Variants in BLTP2 observed in about 807,000 individuals in gnomAD.
BLTP2 encodes U937-associated antigen.
At chr17:28,620,453 C>G in the BLTP2 span, 2 of 1,592,512 alleles carry the variant, frequency 1.3e-6, no homozygotes, top group East Asian at 4.5e-5. Context: ...AAATAAAGCA[C>G]AAAGTCTGGG....
chr17:28,643,683 C>G, the BLTP2 span: 6 of 1,612,158 alleles, frequency 3.7e-6, no homozygotes, highest in East Asian at 2.2e-5. Context: ...GGAGAAAGCT[C>G]TGTGTGCTAG....
the BLTP2 span, chr17:28,632,050 T>C: frequency 1.9e-6 from 3 of 1,611,888 alleles, no homozygotes; most frequent in Admixed American, 1.7e-5. Context: ...GTGCCTTACC[T>C]GCAGCTGGGG....
At chr17:28,619,035 G>T in the BLTP2 span, 1 of 1,296,112 alleles carries the variant, frequency 7.7e-7, no homozygotes, top group Non-Finnish European at 1.1e-6. Context: ...GGGTGGGATA[G>T]AATGCTCTAG....
chr17:28,638,319 C>T, the BLTP2 span: 18 of 1,613,658 alleles, frequency 1.1e-5, no homozygotes, highest in East Asian at 1.6e-4. Context: ...GTGTGGCGCC[C>T]GCTGAATGTG....
the BLTP2 span, chr17:28,620,000 T>C: frequency 1.2e-6 from 2 of 1,613,438 alleles, no homozygotes; most frequent in Non-Finnish European, 1.7e-6. Flanking sequence ...ACCCGTTGCT[T>C]CTTCTCACTA....
chr17:28,644,332 C>CATA, the BLTP2 span: 5 of 865,252 alleles, frequency 5.8e-6, no homozygotes, highest in Non-Finnish European at 8.8e-6. Context: ...ACCACTCTGT[C>CATA]ATATACATTC....
the BLTP2 span, among the ~76,000 whole-genome samples, chr17:28,632,587 C>T: frequency 6.4e-3 from 976 of 152,196 alleles, 11 homozygotes; most frequent in African/African-American, 0.022. Context: ...TCACTGACTC[C>T]TTCCACCATA....
At chr17:28,621,796 T>C in the BLTP2 span, among the ~76,000 whole-genome samples, 7 of 152,134 alleles carry the variant, frequency 4.6e-5, no homozygotes, top group African/African-American at 1.4e-4. Flanking sequence ...GGGCAAAATA[T>C]CTCATTAAAA....
At chr17:28,621,578 G>T in the BLTP2 span, 2 of 970,666 alleles carry the variant, frequency 2.1e-6, no homozygotes, top group Non-Finnish European at 3.3e-6. Flanking sequence ...AGATCTCCAT[G>T]TTTCAAGTAG....
At chr17:28,636,886 A>G in the BLTP2 span, 1 of 816,108 alleles carries the variant, frequency 1.2e-6, no homozygotes, top group Non-Finnish European at 1.8e-6. Context: ...AAAGACAAGA[A>G]AAAAAAAAAA....
At chr17:28,642,708 T>C in the BLTP2 span, among the ~76,000 whole-genome samples, 1 of 152,106 alleles carries the variant, frequency 6.6e-6, no homozygotes, top group Non-Finnish European at 1.5e-5. Context: ...TTACCTCCAG[T>C]CAAGCTCTGG....
At chr17:28,635,692 C>A in the BLTP2 span, 2 of 1,403,708 alleles carry the variant, frequency 1.4e-6, no homozygotes, top group Middle Eastern at 2.4e-4. Context: ...ACATGCACAC[C>A]TGGCTCAAGA....
the BLTP2 span, chr17:28,620,736 AAG>A: frequency 1.5e-6 from 2 of 1,314,866 alleles, no homozygotes; most frequent in East Asian, 4.6e-5. Context: ...ACCCCACAGA[AAG>A]GGTGAGAGTT....
the BLTP2 span, among the ~76,000 whole-genome samples, chr17:28,627,502 G>A: frequency 7.0e-4 from 106 of 151,970 alleles, no homozygotes; most frequent in Non-Finnish European, 5.4e-4. Context: ...TGCCTCCCAG[G>A]TTCATGCCAT....
the BLTP2 span, chr17:28,631,951 G>C: frequency 2.5e-6 from 4 of 1,611,026 alleles, no homozygotes; most frequent in Admixed American, 5.0e-5. Context: ...ATTAACAAAG[G>C]ATGGCATGAG....
the BLTP2 span, chr17:28,619,743 C>G: frequency 2.5e-6 from 4 of 1,613,740 alleles, no homozygotes; most frequent in Admixed American, 1.7e-5. Flanking sequence ...TCAGGTCAAG[C>G]AGATTCTCAT....
At chr17:28,644,234 GTT>G in the BLTP2 span, 1 of 1,598,110 alleles carries the variant, frequency 6.3e-7, no homozygotes, top group African/African-American at 1.3e-5. Flanking sequence ...TCCAATGATG[GTT>G]TCCCTCACCC....
At chr17:28,624,809 T>C in the BLTP2 span, among the ~76,000 whole-genome samples, 1 of 152,198 alleles carries the variant, frequency 6.6e-6, no homozygotes, top group East Asian at 1.9e-4. Flanking sequence ...CCCCTGATTA[T>C]GTCTCCAGGC....
the BLTP2 span, chr17:28,618,871 G>A: frequency 6.2e-7 from 1 of 1,614,176 alleles, no homozygotes; most frequent in South Asian, 1.1e-5. Flanking sequence ...CACCGTGCCT[G>A]AGCAAAGTAA....
Sources: allele counts gnomAD v4.1 joint callset (sites outside exome capture counted in the v4.1 genomes callset), GRCh38; gene constraint gnomAD v4.1.1; transcripts MANE v1.5; gene names NCBI Gene and HGNC (gene_info 2026-07-23, HGNC 2026-07-21).